Variants in FMN2 observed in about 807,000 individuals in gnomAD.
The protein encoded by FMN2 is formin 2.
A neutral mutation model predicts 142.3 loss-of-function variants in FMN2; 51 were observed. The observed-to-expected ratio is 0.36, with a 90% CI of 0.29 to 0.45. The LOEUF is 0.45. Ranked by LOEUF, FMN2 falls within the 20% of genes least tolerant of loss-of-function variation. FMN2 has a pLI of 1.00. For missense variants in FMN2, 1,936 were observed against 2,122.8 expected (o/e 0.91, Z 1.73); for synonymous variants, 882 against 869.8 (o/e 1.01, Z -0.25).
chr1:240,436,760 A>T lies in FMN2; in HGVS notation c.4911-1301A>T, dbSNP rs935117306. Among the ~76,000 whole-genome samples the T allele has an allele frequency of 2.8e-4, 43 of 152,168 alleles. 1 individual carries two copies. Among genetic ancestry groups the T allele is most frequent in the African/African-American group, 1.0e-3 (42 of 41,422 alleles). On this transcript the variant is annotated intron_variant, in intron 15 of 17. Transcript: ENST00000319653. ...AAATCAGCTATGGCAAGCTGAATACACACAGAGATATGTGTAAGTGTATAT... is the reference window on the plus strand; with the variant it reads ...AAATCAGCTATGGCAAGCTGAATACTCACAGAGATATGTGTAAGTGTATAT...
At position 240,362,184 on chromosome 1, in the gene FMN2, A is replaced by T. The variant is rs545940773; in HGVS notation, c.4858+6276A>T. Among the ~76,000 whole-genome samples the T allele has an allele frequency of 2.0e-5, 3 of 152,294 alleles. No homozygotes were observed. In the South Asian group the frequency reaches 6.2e-4, roughly 32 times the overall value. ...ATTGCGGGACAACTGTAACTGATGC[A>T]TACGTGTTGGACTGAACTCTTGAAT... is the stretch of plus-strand genomic sequence containing the variant. On this transcript the variant is annotated intron_variant, in intron 14 of 17. Coordinates refer to ENST00000319653, the MANE Select transcript of FMN2 (RefSeq NM_020066.5).
At chr1:240,369,032 A>G (rs1035112687) in intron 14 of FMN2, among the ~76,000 whole-genome samples, 1 of 151,928 alleles carries the variant, frequency 6.6e-6, no homozygotes, top group African/African-American at 2.4e-5. Context: ...TCACATAGGT[A>G]CCGTGTGTGC....
At chr1:240,284,947 C>G (rs961297485) in intron 7 of FMN2, among the ~76,000 whole-genome samples, 1 of 152,036 alleles carries the variant, frequency 6.6e-6, no homozygotes, top group African/African-American at 2.4e-5. Flanking sequence ...AGGAACTGGT[C>G]AACCTTTTCT....
At chr1:240,151,750 G>A (rs1170450093) in intron 2 of FMN2, among the ~76,000 whole-genome samples, 2 of 151,908 alleles carry the variant, frequency 1.3e-5, no homozygotes, top group Non-Finnish European at 2.9e-5. Context: ...GCAAAGCAGA[G>A]GGGCCAATGG....
At chr1:240,449,867 C>A (rs116741517) in intron 16 of FMN2, among the ~76,000 whole-genome samples, 2,076 of 152,146 alleles carry the variant, frequency 0.014, 51 homozygotes, top group African/African-American at 0.048. Context: ...AAGTACTTAT[C>A]ACAATTAAGC....
At position 240,211,253 on chromosome 1, in the gene FMN2, T is replaced by A; in HGVS notation, c.4065+18T>A. On this transcript the variant is annotated intron_variant, in intron 6 of 17. Transcript: ENST00000319653. ...CTAAACAAGTGAGTATTTTTGTGCT[T>A]TATGAAATTGGACAGTGTTTCTGGC... 1 of 1,606,516 alleles carries A rather than the reference T, an allele frequency of 6.2e-7. No individual in the cohort carries two copies. Among genetic ancestry groups the A allele is most frequent in the Non-Finnish European group, 8.5e-7 (1 of 1,177,734 alleles).
At chr1:240,152,114 C>G (rs1294914767) in intron 2 of FMN2, among the ~76,000 whole-genome samples, 1 of 152,026 alleles carries the variant, frequency 6.6e-6, no homozygotes, top group Admixed American at 6.6e-5. Flanking sequence ...AAATTAAACC[C>G]TGCTATCAGC....
At chr1:240,211,009 C>T (rs956726641) in intron 5 of FMN2, 82 bp from the exon 6 acceptor site, 74 of 1,342,646 alleles carry the variant, frequency 5.5e-5, no homozygotes, top group Non-Finnish European at 6.8e-5. Context: ...CTTCCTCCCT[C>T]CCCTTCTTCC....
In FMN2 at chr1:240,208,538, C is replaced by T; in HGVS notation, c.3726C>T (p.Gly1242=). The change falls in exon 5 of 18, where the codon GGC becomes GGT. Residue 1242 remains glycine, a synonymous_variant. Coordinates refer to ENST00000319653, the MANE Select transcript of FMN2 (RefSeq NM_020066.5). The stretch of plus-strand genomic sequence containing the variant: ...CGCCCCCTCTGCTTCCTGTATCAGG[C>T]CCTCCACTCCTCCCACAAGTTGGGA... ...IPPPPLLPVS[G]PPLLPQVGSS... The T allele has an allele frequency of 1.2e-6, 2 of 1,613,260 alleles. No individual in the cohort carries two copies. The highest frequency in any genetic ancestry group is 1.7e-6 in the Non-Finnish European group (2 of 1,179,864).
At chr1:240,288,236 A>G (rs977320441) in intron 7 of FMN2, among the ~76,000 whole-genome samples, 3 of 152,110 alleles carry the variant, frequency 2.0e-5, no homozygotes, top group Non-Finnish European at 4.4e-5. Flanking sequence ...GTCTGTCCAT[A>G]TTGTCTCACA....
intron 2 of FMN2, among the ~76,000 whole-genome samples, chr1:240,154,423 G>A (rs553363027): frequency 2.6e-5 from 4 of 152,270 alleles, no homozygotes; most frequent in African/African-American, 7.2e-5. Flanking sequence ...TGTTCTTGGC[G>A]GAAAACCTGG....
chr1:240,306,904 A>G (rs922665400), intron 8 of FMN2, among the ~76,000 whole-genome samples: 1 of 152,226 alleles, frequency 6.6e-6, no homozygotes, highest in African/African-American at 2.4e-5. Context: ...CAACCTCTGT[A>G]ACACCTGTTA....
At chr1:240,221,745 T>A (rs1271287840) in intron 6 of FMN2, among the ~76,000 whole-genome samples, 2 of 152,156 alleles carry the variant, frequency 1.3e-5, no homozygotes, top group East Asian at 3.8e-4. Flanking sequence ...TAGATCCCGT[T>A]TGTCAATTTT....
intron 6 of FMN2, among the ~76,000 whole-genome samples, chr1:240,238,720 A>G (rs1667789172): frequency 6.6e-6 from 1 of 152,328 alleles, no homozygotes; most frequent in South Asian, 2.1e-4. Flanking sequence ...AAATACATTT[A>G]CCCTAGGACC....
intron 2 of FMN2, among the ~76,000 whole-genome samples, chr1:240,173,721 A>G (rs1309735798): frequency 6.6e-6 from 1 of 152,184 alleles, no homozygotes; most frequent in Non-Finnish European, 1.5e-5. Context: ...ATTTTCTGCT[A>G]GTGGAGCTAC....
chr1:240,183,403 A>T (rs1665232968), intron 3 of FMN2, among the ~76,000 whole-genome samples: 1 of 148,234 alleles, frequency 6.7e-6, no homozygotes, highest in Admixed American at 6.8e-5. Flanking sequence ...TCAACATGTA[A>T]ATATATAATA....
chr1:240,150,585 T>C (rs1571989143), intron 2 of FMN2, among the ~76,000 whole-genome samples: 1 of 152,164 alleles, frequency 6.6e-6, no homozygotes, highest in Admixed American at 6.5e-5. Flanking sequence ...GTGATGAAAA[T>C]TGGTTTTGTT....
chr1:240,348,786 A>G (rs117641441), intron 13 of FMN2, among the ~76,000 whole-genome samples: 3 of 152,216 alleles, frequency 2.0e-5, no homozygotes, highest in African/African-American at 4.8e-5. Flanking sequence ...TTGTCAGTAC[A>G]TATACAGTAC....
rs746958709 is a variant in FMN2, at chr1:240,474,846, G to C, written c.*692G>C. On this transcript the variant is annotated 3_prime_UTR_variant, in exon 18 of 18. Coordinates refer to ENST00000319653, the MANE Select transcript of FMN2 (RefSeq NM_020066.5). Reference sequence around the variant, plus strand: ...GCAAGTTATAGTTGTGGATAAAGGGGAGAATTTATTGCTCTTGCAAACCAA... The same window carrying C: ...GCAAGTTATAGTTGTGGATAAAGGGCAGAATTTATTGCTCTTGCAAACCAA... The C allele has an allele frequency of 5.9e-5, 9 of 152,658 alleles. No homozygotes were observed. Among genetic ancestry groups the C allele is most frequent in the Admixed American group, 2.6e-4 (4 of 15,286 alleles). The allele number at this position is 152,658 out of a possible 1,614,324, so 9.5% of individuals were successfully genotyped here.
Sources: gnomAD v4.1 joint callset for allele counts (sites outside exome capture counted in the v4.1 genomes callset) on GRCh38, gnomAD v4.1.1 for gene constraint, MANE v1.5 for transcripts, NCBI Gene and HGNC (gene_info 2026-07-23, HGNC 2026-07-21) for gene names.